The following SLC39A8 variants were observed in gnomAD, a reference collection of about 807,000 sequenced individuals.
The protein encoded by SLC39A8 is solute carrier family 39 member 8.
A neutral mutation model predicts 40.4 loss-of-function variants in SLC39A8; 15 were observed. That is an observed-to-expected ratio of 0.37 (90% CI 0.25 to 0.57). The LOEUF (loss-of-function observed/expected upper bound fraction) is 0.57, where lower values mean the gene tolerates loss of function less well. SLC39A8 is among the 20% of genes least tolerant of loss of function. The pLI is 0.75. For synonymous variants in SLC39A8, 223 were observed against 221.6 expected, an observed-to-expected ratio of 1.01 and a Z score of -0.06; for missense variants, 472 against 558.8, an observed-to-expected ratio of 0.84 and a Z score of 1.57.
At chr4:102,263,993 C>T (rs1489633466) in intron 8 of SLC39A8, among the ~76,000 whole-genome samples, 1 of 152,184 alleles carries the variant, frequency 6.6e-6, no homozygotes, top group Non-Finnish European at 1.5e-5. Context: ...GTCTTGAACA[C>T]CTCAAAGTCA....
At position 102,262,941 on chromosome 4, in the gene SLC39A8, C is replaced by G; in HGVS notation, c.*103G>C. On this transcript the variant is annotated 3_prime_UTR_variant, in exon 9 of 9. Transcript: ENST00000356736. ...AGTTTTCTGGACCTACAGTTGAAAGCAAAATTATCTTTTTAACTAAATAGG... is the reference window on the plus strand; with the variant it reads ...AGTTTTCTGGACCTACAGTTGAAAGGAAAATTATCTTTTTAACTAAATAGG... The G allele has an allele frequency of 6.9e-7, 1 of 1,447,102 alleles. No individual in the cohort carries two copies. The highest frequency in any genetic ancestry group is 9.1e-7 in the Non-Finnish European group (1 of 1,103,304). 89.6% of individuals were successfully genotyped at this position (1,447,102 alleles called of 1,614,324 possible).
At position 102,315,697 on chromosome 4, in the gene SLC39A8, T is replaced by G; in HGVS notation, c.353A>C (p.Lys118Thr). ...LNFHPCEDRP[K>T]HKTRPSHSEV... The stretch of plus-strand genomic sequence containing the variant: ...TGAATGACTTGGTCTTGTTTTGTGC[T>G]TGGGCCGATCCTCACATGGGTGAAA... The change falls in exon 3 of 9, where the codon AAG (lysine) becomes ACG (threonine). Residue 118 changes from lysine (K) to threonine (T), a missense_variant. Coordinates refer to ENST00000356736, the MANE Select transcript of SLC39A8 (RefSeq NM_001135146.2). The G allele has an allele frequency of 6.2e-7, 1 of 1,612,700 alleles. No individual in the cohort carries two copies.
chr4:102,293,076 C>T (rs557678506), intron 6 of SLC39A8, among the ~76,000 whole-genome samples: 1 of 152,090 alleles, frequency 6.6e-6, no homozygotes, highest in East Asian at 1.9e-4. Context: ...AAAAATGACA[C>T]AAATTTTGTG....
At chr4:102,258,066 A>G (rs1406503960), downstream of SLC39A8, among the ~76,000 whole-genome samples, 1 of 151,818 alleles carries the variant, frequency 6.6e-6, no homozygotes, top group Non-Finnish European at 1.5e-5. Flanking sequence ...TTAAAAATAG[A>G]ACCCATTACA....
intron 6 of SLC39A8, among the ~76,000 whole-genome samples, chr4:102,297,660 T>A (rs1175294877): frequency 6.6e-6 from 1 of 152,150 alleles, no homozygotes; most frequent in East Asian, 1.9e-4. Flanking sequence ...CTCACACCTG[T>A]AATCCCAATA....
At chr4:102,331,852 A>T (rs887553143) in intron 2 of SLC39A8, among the ~76,000 whole-genome samples, 8 of 152,226 alleles carry the variant, frequency 5.3e-5, no homozygotes, top group African/African-American at 1.9e-4. Context: ...AGGCCTCAGA[A>T]ATAACGCCAG....
chr4:102,291,225 A>G (rs1733425293), intron 6 of SLC39A8, among the ~76,000 whole-genome samples: 1 of 152,040 alleles, frequency 6.6e-6, no homozygotes. Context: ...TTGCAGCAAA[A>G]TAATGTTCCC....
intron 6 of SLC39A8, among the ~76,000 whole-genome samples, chr4:102,286,290 T>C (rs1733176545): frequency 6.6e-6 from 1 of 152,136 alleles, no homozygotes; most frequent in Non-Finnish European, 1.5e-5. Flanking sequence ...GAAAAATGTA[T>C]TGGCATTCAT....
intron 6 of SLC39A8, among the ~76,000 whole-genome samples, chr4:102,275,879 A>T (rs1412642667): frequency 1.3e-5 from 2 of 152,248 alleles, no homozygotes; most frequent in African/African-American, 4.8e-5. Context: ...CTGCTCCTGA[A>T]TGACTACTGG....
At chr4:102,326,343 C>A (rs1266875814) in intron 2 of SLC39A8, among the ~76,000 whole-genome samples, 1 of 152,164 alleles carries the variant, frequency 6.6e-6, no homozygotes, top group Non-Finnish European at 1.5e-5. Flanking sequence ...GGGCAGATCA[C>A]AAGGTCAGGA....
intron 2 of SLC39A8, among the ~76,000 whole-genome samples, chr4:102,338,360 G>A (rs1285444865): frequency 2.0e-5 from 3 of 151,810 alleles, no homozygotes; most frequent in Admixed American, 1.3e-4. Context: ...CTAATTTTTT[G>A]TATTTTTAGT....
At chr4:102,267,453 T>G in intron 8 of SLC39A8, 37 bp downstream of exon 8, 1 of 1,542,048 alleles carries the variant, frequency 6.5e-7, no homozygotes, top group Non-Finnish European at 8.7e-7. Context: ...TTTCCAAATT[T>G]TAAATTAAAA....
At chr4:102,275,954 C>T (rs1423439806) in intron 6 of SLC39A8, among the ~76,000 whole-genome samples, 11 of 152,136 alleles carry the variant, frequency 7.2e-5, no homozygotes, top group Non-Finnish European at 1.2e-4. Context: ...AAAGACACAA[C>T]GTACCAGAAT....
intron 2 of SLC39A8, among the ~76,000 whole-genome samples, chr4:102,335,740 A>G (rs1735638048): frequency 2.6e-5 from 4 of 152,236 alleles, no homozygotes; most frequent in Admixed American, 2.6e-4. Flanking sequence ...TACATTTTCA[A>G]GAATTTACTA....
intron 2 of SLC39A8, among the ~76,000 whole-genome samples, chr4:102,334,980 T>G (rs1378694590): frequency 6.6e-6 from 1 of 152,182 alleles, no homozygotes; most frequent in Non-Finnish European, 1.5e-5. Flanking sequence ...TGTTAGTAAA[T>G]ATTCTTACTA....
chr4:102,266,848 C>T (rs952211351), intron 8 of SLC39A8, among the ~76,000 whole-genome samples: 5 of 152,096 alleles, frequency 3.3e-5, no homozygotes, highest in East Asian at 1.9e-4. Flanking sequence ...CCTTGTGATC[C>T]GCCCGCCTCG....
At chr4:102,327,138 A>G (rs1429297609) in intron 2 of SLC39A8, among the ~76,000 whole-genome samples, 1 of 152,114 alleles carries the variant, frequency 6.6e-6, no homozygotes, top group Non-Finnish European at 1.5e-5. Flanking sequence ...GGTGCACACC[A>G]GTAGTCCCAG....
intron 6 of SLC39A8, among the ~76,000 whole-genome samples, chr4:102,286,825 T>C (rs2149020419): frequency 6.6e-6 from 1 of 152,258 alleles, no homozygotes; most frequent in Admixed American, 6.5e-5. Flanking sequence ...AATCCTCAAC[T>C]CACTACAAGT....
chr4:102,306,587 C>T (rs556407707), intron 4 of SLC39A8, among the ~76,000 whole-genome samples: 3 of 151,938 alleles, frequency 2.0e-5, no homozygotes, highest in Admixed American at 2.0e-4. Context: ...AAGGGTGGTA[C>T]TCCCTGAAAT....
Sources: gnomAD v4.1 joint callset for allele counts (sites outside exome capture counted in the v4.1 genomes callset) on GRCh38, gnomAD v4.1.1 for gene constraint, MANE v1.5 for transcripts, NCBI Gene and HGNC (gene_info 2026-07-23, HGNC 2026-07-21) for gene names.